The following TGFBR2 variants were observed in gnomAD, a reference collection of about 807,000 sequenced individuals.
TGFBR2 encodes the protein transforming growth factor beta receptor 2.
A neutral mutation model predicts 49.0 loss-of-function variants in TGFBR2; 18 were observed. The observed-to-expected ratio is 0.37, with a 90% CI of 0.25 to 0.54. The LOEUF is 0.54. Among genes scored for constraint, TGFBR2 ranks in the 20% least tolerant of loss-of-function variants. The pLI, the probability that TGFBR2 is intolerant of heterozygous loss-of-function variation, is 0.85. For synonymous variants in TGFBR2, 282 were observed against 275.9 expected (o/e 1.02, Z -0.22); for missense variants, 525 against 722.6 (o/e 0.73, Z 3.13).
At chr3:30,635,137 G>T (rs1298464307) in intron 1 of TGFBR2, among the ~76,000 whole-genome samples, 3 of 152,124 alleles carry the variant, frequency 2.0e-5, no homozygotes, top group Non-Finnish European at 4.4e-5. Flanking sequence ...TTATTCACTG[G>T]GTCCTATTAG....
At position 30,671,933 on chromosome 3, in the gene TGFBR2, G is replaced by A. The variant is rs762572402; in HGVS notation, c.750G>A (p.Val250=). 8.1e-6 allele frequency: 13 copies of A among 1,614,186 alleles called. No homozygotes were observed. The highest frequency in any genetic ancestry group is 1.1e-5 in the South Asian group (1 of 91,082). ...TGCCCATTGAGCTGGACACCCTGGTGGGGAAAGGTCGCTTTGCTGAGGTCT... is the reference window on the plus strand; with the variant it reads ...TGCCCATTGAGCTGGACACCCTGGTAGGGAAAGGTCGCTTTGCTGAGGTCT... ...ELLPIELDTL[V]GKGRFAEVYK... is the part of the protein sequence containing the mutation. Residue 250 remains valine (V), a synonymous_variant, in exon 4 of 7, where the codon GTG becomes GTA. Transcript: ENST00000295754.
intron 1 of TGFBR2, among the ~76,000 whole-genome samples, chr3:30,643,275 G>A (rs1262516701): frequency 6.6e-6 from 1 of 152,324 alleles, no homozygotes; most frequent in African/African-American, 2.4e-5. Flanking sequence ...CCCAGCAACT[G>A]TTCCAGCACC....
At chr3:30,691,315 T>G in intron 6 of TGFBR2, 105 bp from the exon 7 acceptor site, 2 of 1,295,156 alleles carry the variant, frequency 1.5e-6, no homozygotes, top group Non-Finnish European at 2.2e-6. Context: ...ACAGGCACTT[T>G]TGGACCCTGC....
intron 1 of TGFBR2, among the ~76,000 whole-genome samples, chr3:30,637,609 A>G (rs1459046642): frequency 6.6e-6 from 1 of 152,254 alleles, no homozygotes; most frequent in Admixed American, 6.5e-5. Context: ...ACCCAGCCCA[A>G]GTAACTCTAT....
At chr3:30,689,451 G>A (rs1350860665) in intron 6 of TGFBR2, among the ~76,000 whole-genome samples, 2 of 152,190 alleles carry the variant, frequency 1.3e-5, no homozygotes, top group African/African-American at 4.8e-5. Context: ...TGAAGGCCGA[G>A]GCTAAGTTGT....
At chr3:30,691,375 A>C in intron 6 of TGFBR2, 45 bp from the exon 7 acceptor site, 2 of 1,610,224 alleles carry the variant, frequency 1.2e-6, no homozygotes, top group Non-Finnish European at 1.7e-6. Context: ...CCTTCCGCGG[A>C]GCCCACCAAC....
chr3:30,626,724 C>T (rs1162612835), intron 1 of TGFBR2: 1 of 152,580 alleles, frequency 6.6e-6, no homozygotes, highest in Non-Finnish European at 1.5e-5. Flanking sequence ...GGAGTCTCTT[C>T]CCTCCATCAC....
At chr3:30,688,964 A>C (rs990285189) in intron 6 of TGFBR2, among the ~76,000 whole-genome samples, 2 of 152,204 alleles carry the variant, frequency 1.3e-5, no homozygotes, top group Non-Finnish European at 2.9e-5. Flanking sequence ...TGTGGCATGC[A>C]GAAGGCTGTG....
At chr3:30,654,604 C>A (rs1041230655) in intron 3 of TGFBR2, among the ~76,000 whole-genome samples, 1 of 152,116 alleles carries the variant, frequency 6.6e-6, no homozygotes, top group African/African-American at 2.4e-5. Context: ...CTGTACTAAC[C>A]AACATATAAA....
At chr3:30,640,969 T>C (rs1165338371) in intron 1 of TGFBR2, among the ~76,000 whole-genome samples, 5 of 152,220 alleles carry the variant, frequency 3.3e-5, no homozygotes, top group African/African-American at 7.2e-5. Context: ...TGTTGTTTGA[T>C]ATCTGAGGTC....
intron 1 of TGFBR2, among the ~76,000 whole-genome samples, chr3:30,638,436 T>A (rs569580354): frequency 6.6e-6 from 1 of 152,314 alleles, no homozygotes; most frequent in East Asian, 1.9e-4. Context: ...ATAGTCTCCC[T>A]GTTAGCTAAA....
At chr3:30,683,612 A>G (rs1193164820) in intron 5 of TGFBR2, among the ~76,000 whole-genome samples, 2 of 152,246 alleles carry the variant, frequency 1.3e-5, no homozygotes, top group Non-Finnish European at 2.9e-5. Context: ...ACATTTCTTT[A>G]TACATATTTG....
rs574036383 is a variant in TGFBR2, at chr3:30,677,421, A to G, written c.1396+3175A>G. On this transcript the variant is annotated intron_variant, in intron 5 of 6. Transcript: ENST00000295754. ...TCTCATTTCGTTTGATCTTAAGCCC[A>G]CAGTCCTATTTCTCCCATCTTTGCT... Among the ~76,000 whole-genome samples, 14 of 152,306 alleles carry G rather than the reference A, an allele frequency of 9.2e-5. No homozygotes were observed. In the East Asian group the frequency reaches 2.7e-3, roughly 29 times the overall value.
intron 1 of TGFBR2, among the ~76,000 whole-genome samples, chr3:30,629,061 G>T (rs1035046840): frequency 6.6e-6 from 1 of 152,058 alleles, no homozygotes; most frequent in African/African-American, 2.4e-5. Context: ...TTCCCTCTGG[G>T]CCTTCGTTTT....
At chr3:30,622,854 T>C (rs1575133645) in intron 1 of TGFBR2, among the ~76,000 whole-genome samples, 1 of 113,184 alleles carries the variant, frequency 8.8e-6, no homozygotes, top group African/African-American at 3.5e-5. Flanking sequence ...CACTCCAGCC[T>C]GGGCAACAGA....
chr3:30,632,959 G>C (rs1243885863), intron 1 of TGFBR2, among the ~76,000 whole-genome samples: 1 of 152,166 alleles, frequency 6.6e-6, no homozygotes, highest in Non-Finnish European at 1.5e-5. Context: ...AAGAACCAAA[G>C]CTTTTGTCTA....
In TGFBR2 at chr3:30,636,155, ATGTGTGTGTGTG is replaced by A. The variant is rs61296907; in HGVS notation, c.95-8558_95-8547del. Among the ~76,000 whole-genome samples, 512 of 134,720 alleles carry A rather than the reference ATGTGTGTGTGTG, an allele frequency of 3.8e-3. 4 individuals are homozygous for A. The highest frequency in any genetic ancestry group is 0.013 in the African/African-American group (472 of 35,826). 88.4% of individuals were successfully genotyped at this position (134,720 alleles called of 152,430 possible). A position where few individuals can be genotyped will look rare whatever the true frequency, so the allele number is the denominator to read the frequency against. On this transcript the variant is annotated intron_variant, in intron 1 of 6. Transcript: ENST00000295754. ...AGTTTCAGTGTGAAAATATATATGT[ATGTGTGTGTGTG>A]TGTGTGTGTGTGTGTGTGTGTGTGT...
At chr3:30,659,523 C>G (rs1466134370) in intron 3 of TGFBR2, among the ~76,000 whole-genome samples, 2 of 151,948 alleles carry the variant, frequency 1.3e-5, no homozygotes, top group Non-Finnish European at 2.9e-5. Flanking sequence ...GCAAAAGCAA[C>G]TCGCTTTTCA....
intron 1 of TGFBR2, among the ~76,000 whole-genome samples, chr3:30,627,320 A>C (rs1311698731): frequency 6.6e-6 from 1 of 152,252 alleles, no homozygotes; most frequent in South Asian, 2.1e-4. Context: ...GGTTTCAGAA[A>C]GAGATGCACC....
Sources: gnomAD v4.1 joint callset for allele counts (sites outside exome capture counted in the v4.1 genomes callset) on GRCh38, gnomAD v4.1.1 for gene constraint, MANE v1.5 for transcripts, NCBI Gene and HGNC (gene_info 2026-07-23, HGNC 2026-07-21) for gene names.